The following SLC27A4 variants were observed in gnomAD, a reference collection of about 807,000 sequenced individuals.
SLC27A4 encodes the protein solute carrier family 27 member 4, also known as long-chain fatty acid transport protein 4.
A neutral mutation model predicts 64.4 loss-of-function variants in SLC27A4; 33 were observed. That is an observed-to-expected ratio of 0.51 (90% CI 0.39 to 0.68). The LOEUF is 0.68. Among genes scored for constraint, SLC27A4 ranks in the 30% least tolerant of loss-of-function variants. SLC27A4 has a pLI of 0.00. For synonymous variants in SLC27A4, 377 were observed against 370.0 expected, an observed-to-expected ratio of 1.02 and a Z score of -0.22; for missense variants, 824 against 883.5, an observed-to-expected ratio of 0.93 and a Z score of 0.85.
At chr9:128,342,685 A>AT (rs555269229) in intron 1 of SLC27A4, 6,204 of 279,870 alleles carry the variant, frequency 0.022, no homozygotes, top group Middle Eastern at 0.042. Context: ...TCAGAGTGCC[A>AT]TTTTTTTTTT....
chr9:128,356,671 G>C (rs1313484738), intron 12 of SLC27A4, among the ~76,000 whole-genome samples: 1 of 151,992 alleles, frequency 6.6e-6, no homozygotes, highest in East Asian at 1.9e-4. Flanking sequence ...GGCTGGGCGT[G>C]GTGGCTCACG....
At chr9:128,359,955 T>G (rs1355322743) in intron 12 of SLC27A4, among the ~76,000 whole-genome samples, 1 of 152,200 alleles carries the variant, frequency 6.6e-6, no homozygotes, top group African/African-American at 2.4e-5. Flanking sequence ...ATGGGGCTGA[T>G]GTACAGATGA....
rs1371718965 is a variant in SLC27A4 at position 128,353,805 on chromosome 9, G to A, written c.1324+264G>A. ...GTCGCCCAGGCTGGAGTGCAGTGGC[G>A]GGATCTCGGCTCACTGCAAGCTCCG... is the stretch of plus-strand genomic sequence containing the variant. On this transcript the variant is annotated intron_variant, in intron 9 of 12. Transcript: ENST00000300456. The surrounding 1 kb of genome is among the most constrained non-coding windows in gnomAD (Gnocchi z 4.9). Among the ~76,000 whole-genome samples, 6 of 149,508 alleles carry A rather than the reference G, an allele frequency of 4.0e-5. No homozygotes were observed. Among genetic ancestry groups the A allele is most frequent in the South Asian group, 4.2e-4 (2 of 4,736 alleles).
intron 9 of SLC27A4, 58 bp from the exon 10 acceptor site, chr9:128,354,995 A>G: frequency 6.8e-7 from 1 of 1,468,168 alleles, no homozygotes; most frequent in Non-Finnish European, 9.4e-7. Context: ...ACACCTGGTG[A>G]CAGGACGGGT....
chr9:128,343,087 G>T, intron 1 of SLC27A4, 40 bp from the exon 2 acceptor site: 1 of 1,610,940 alleles, frequency 6.2e-7, no homozygotes, highest in East Asian at 2.2e-5. Context: ...AGACCTGGAG[G>T]GTTGGGTGTT....
intron 12 of SLC27A4, among the ~76,000 whole-genome samples, chr9:128,359,178 C>T (rs1327257496): frequency 6.6e-6 from 1 of 152,176 alleles, no homozygotes; most frequent in Non-Finnish European, 1.5e-5. Flanking sequence ...CTCATCTGTA[C>T]AGGATTAATA....
chr9:128,355,231 G>A (rs1564403108), intron 10 of SLC27A4, 41 bp downstream of exon 10: 2 of 1,608,960 alleles, frequency 1.2e-6, no homozygotes, highest in Middle Eastern at 1.7e-4. Flanking sequence ...TGAGGGTTGG[G>A]GGAGGAGGGG....
intron 12 of SLC27A4, among the ~76,000 whole-genome samples, chr9:128,357,135 G>A (rs960955336): frequency 1.3e-5 from 2 of 150,040 alleles, no homozygotes; most frequent in Non-Finnish European, 3.0e-5. Flanking sequence ...GGTGGTGGGC[G>A]CCTGTAATCC....
intron 3 of SLC27A4, among the ~76,000 whole-genome samples, chr9:128,347,505 T>C (rs1832674063): frequency 6.6e-6 from 1 of 151,312 alleles, no homozygotes; most frequent in African/African-American, 2.4e-5. Flanking sequence ...GGAGGGCAGG[T>C]CACCTGAGCT....
Position 128,340,809 on chromosome 9 carries a change from CG to C in SLC27A4, c.-32del. 1.5e-6 allele frequency: 1 copy of C among 686,436 alleles called. No homozygotes were observed. Among genetic ancestry groups the C allele is most frequent in the East Asian group, 2.9e-5 (1 of 34,448 alleles). 42.5% of individuals were successfully genotyped at this position (686,436 alleles called of 1,614,324 possible). Reference sequence around the variant, plus strand: ...CTGCTGCAACCGGGCCGCATCTGGACGGGGCGCCGCGCGGCGGAGCCGACGC... The same window carrying C: ...CTGCTGCAACCGGGCCGCATCTGGACGGGCGCCGCGCGGCGGAGCCGACGC... On this transcript the variant is annotated 5_prime_UTR_variant, in exon 1 of 13. Coordinates refer to ENST00000300456, the MANE Select transcript of SLC27A4 (RefSeq NM_005094.4).
At position 128,343,250 on chromosome 9, in the gene SLC27A4, C is replaced by A. The variant is rs201114376; in HGVS notation, c.118C>A (p.Arg40Ser). ...LFLYLGSGGW[R>S]FIRVFIKTIR... ...CCTCTACTTGGGATCTGGCGGCTGG[C>A]GCTTCATCCGGGTCTTCATCAAGAC... The change falls in exon 2 of 13, where the codon CGC becomes AGC. Residue 40 changes from arginine (R) to serine (S), a missense_variant. Physicochemically the swap from Arg to Ser is moderately radical, Grantham distance 110. Coordinates refer to ENST00000300456, the MANE Select transcript of SLC27A4 (RefSeq NM_005094.4). The A allele has an allele frequency of 5.0e-6, 8 of 1,613,350 alleles. No individual in the cohort carries two copies. The highest frequency in any genetic ancestry group is 6.8e-6 in the Non-Finnish European group (8 of 1,179,916).
intron 12 of SLC27A4, among the ~76,000 whole-genome samples, chr9:128,359,903 G>A (rs757384474): frequency 9.2e-5 from 14 of 152,192 alleles, no homozygotes; most frequent in Non-Finnish European, 1.3e-4. Flanking sequence ...CTGCAAGCAC[G>A]TCCGTGTTAG....
In SLC27A4 at chr9:128,344,712, G is replaced by A. The variant is rs1003612917; in HGVS notation, c.162-443G>A. ...GCAAACTCATTCATTATTTACTGTGGTCATGGTGGGTCGAGGGAGCAGCTG... is the reference window on the plus strand; with the variant it reads ...GCAAACTCATTCATTATTTACTGTGATCATGGTGGGTCGAGGGAGCAGCTG... On this transcript the variant is annotated intron_variant, in intron 2 of 12. Coordinates refer to ENST00000300456, the MANE Select transcript of SLC27A4 (RefSeq NM_005094.4). Among the ~76,000 whole-genome samples, 8 of 152,166 alleles carry A rather than the reference G, an allele frequency of 5.3e-5. No individual in the cohort carries two copies. The East Asian group carries it at 1.5e-3, about 29-fold the overall frequency.
rs952403249 is a variant in SLC27A4, at chr9:128,358,237, C to T, written c.1775-2097C>T. Among the ~76,000 whole-genome samples, 34 of 152,192 alleles carry T rather than the reference C, an allele frequency of 2.2e-4. No homozygotes were observed. The East Asian group carries it at 2.3e-3, about 10-fold the overall frequency. ...AGAGGCAGTTAGATGGCCTCACCCA[C>T]GTGTCTGGCTCTCGGCTGCTTACCT... On this transcript the variant is annotated intron_variant, in intron 12 of 12. Coordinates refer to ENST00000300456, the MANE Select transcript of SLC27A4 (RefSeq NM_005094.4).
chr9:128,343,572 G>A (rs1195186321), intron 2 of SLC27A4, among the ~76,000 whole-genome samples: 2 of 152,224 alleles, frequency 1.3e-5, no homozygotes, highest in Non-Finnish European at 2.9e-5. Flanking sequence ...CAAGTGTGTT[G>A]AGACATCTGC....
intron 6 of SLC27A4, among the ~76,000 whole-genome samples, chr9:128,351,961 C>T (rs1001312303): frequency 1.3e-5 from 2 of 149,384 alleles, no homozygotes; most frequent in African/African-American, 2.5e-5. Context: ...CCGAGGCGGG[C>T]GGATCACGAG....
At chr9:128,343,705 C>T (rs1832612272) in intron 2 of SLC27A4, among the ~76,000 whole-genome samples, 1 of 152,150 alleles carries the variant, frequency 6.6e-6, no homozygotes, top group African/African-American at 2.4e-5. Flanking sequence ...AGAGCAGAGC[C>T]CCTACTCAGA....
intron 4 of SLC27A4, among the ~76,000 whole-genome samples, chr9:128,349,107 A>G (rs571741798): frequency 6.6e-5 from 10 of 152,316 alleles, no homozygotes; most frequent in African/African-American, 2.4e-4. Flanking sequence ...TCTTCAGTGC[A>G]GGACACTTCA....
At chr9:128,356,421 G>A (rs1832820958) in intron 12 of SLC27A4, among the ~76,000 whole-genome samples, 1 of 152,244 alleles carries the variant, frequency 6.6e-6, no homozygotes, top group South Asian at 2.1e-4. Flanking sequence ...AAGTGGGAGA[G>A]AAACCAGCAG....
Sources: gnomAD v4.1 joint callset for allele counts (sites outside exome capture counted in the v4.1 genomes callset) on GRCh38, gnomAD v4.1.1 for gene constraint, Gnocchi (gnomAD v3.1) non-coding constraint, MANE v1.5 for transcripts, NCBI Gene and HGNC (gene_info 2026-07-23, HGNC 2026-07-21) for gene names.